Variants in MTUS2 observed in about 807,000 individuals in gnomAD.
The protein encoded by MTUS2 is microtubule associated scaffold protein 2.
A neutral mutation model predicts 114.1 loss-of-function variants in MTUS2; 40 were observed. That is an observed-to-expected ratio of 0.35 (90% CI 0.27 to 0.46). The LOEUF (loss-of-function observed/expected upper bound fraction) is 0.46, where lower values mean the gene tolerates loss of function less well. Among genes scored for constraint, MTUS2 ranks in the 20% least tolerant of loss-of-function variants. The pLI, the probability that MTUS2 is intolerant of heterozygous loss-of-function variation, is 1.00. For missense variants in MTUS2, 1,679 were observed against 1,705.4 expected (o/e 0.98, Z 0.27); for synonymous variants, 688 against 672.0 (o/e 1.02, Z -0.37).
chr13:29,481,218 A>G (rs1490891494), intron 10 of MTUS2, among the ~76,000 whole-genome samples: 1 of 152,216 alleles, frequency 6.6e-6, no homozygotes, highest in Non-Finnish European at 1.5e-5. Flanking sequence ...AAATGCATCC[A>G]TGGACTAACC....
chr13:29,373,950 A>G (rs1356838811), intron 8 of MTUS2, among the ~76,000 whole-genome samples: 1 of 152,246 alleles, frequency 6.6e-6, no homozygotes, highest in Non-Finnish European at 1.5e-5. Context: ...AAAAGTAGCT[A>G]TTGCAGAATG....
At chr13:29,195,693 C>T (rs954475177) in intron 5 of MTUS2, among the ~76,000 whole-genome samples, 1 of 152,090 alleles carries the variant, frequency 6.6e-6, no homozygotes, top group African/African-American at 2.4e-5. Flanking sequence ...CCAGCCTGGG[C>T]CAGTCAGGGA....
At chr13:29,428,526 T>C in intron 8 of MTUS2, 1 of 444,456 alleles carries the variant, frequency 2.2e-6, no homozygotes, top group South Asian at 4.5e-5. Flanking sequence ...TATGCGACTA[T>C]TGATTTGCCT....
chr13:29,032,173 C>G (rs1886859119), intron 3 of MTUS2, among the ~76,000 whole-genome samples: 1 of 152,102 alleles, frequency 6.6e-6, no homozygotes, highest in African/African-American at 2.4e-5. Context: ...ACAGACTAGA[C>G]ATCAAAGGCG....
At chr13:29,043,171 A>G (rs995044209) in intron 4 of MTUS2, among the ~76,000 whole-genome samples, 7 of 152,026 alleles carry the variant, frequency 4.6e-5, no homozygotes, top group African/African-American at 1.7e-4. Context: ...TTTAATTTCT[A>G]TCTTGATTTC....
intron 5 of MTUS2, among the ~76,000 whole-genome samples, chr13:29,168,573 C>G (rs1253518472): frequency 1.3e-5 from 2 of 152,164 alleles, no homozygotes; most frequent in Non-Finnish European, 2.9e-5. Context: ...CTCTCTATGG[C>G]TTTGCTTACT....
chr13:29,131,599 C>G (rs1891766006), intron 5 of MTUS2, among the ~76,000 whole-genome samples: 1 of 152,246 alleles, frequency 6.6e-6, no homozygotes, highest in Admixed American at 6.5e-5. Flanking sequence ...CCTGAGACAT[C>G]TGTAGGTCAG....
Position 29,026,704 on chromosome 13 carries a change from A to G in MTUS2, c.2006A>G (p.Tyr669Cys), listed in dbSNP as rs763181123. ...TCGCTGGTTCCAGTGGGGCTTCCAT[A>G]TGCCCCGCCCACATGTACCATGCCT... ...DASLVPVGLP[Y>C]APPTCTMPLP... The change falls in exon 3 of 16, where the codon TAT (tyrosine) becomes TGT (cysteine). Residue 669 changes from tyrosine (Y) to cysteine (C), a missense_variant. Coordinates refer to ENST00000612955, the MANE Select transcript of MTUS2 (RefSeq NM_001033602.4). The G allele has an allele frequency of 6.2e-7, 1 of 1,613,968 alleles. No individual in the cohort carries two copies. The highest frequency in any genetic ancestry group is 1.1e-5 in the South Asian group (1 of 91,082).
chr13:28,880,002 T>C (rs1023976077), intron 2 of MTUS2, among the ~76,000 whole-genome samples: 2 of 152,178 alleles, frequency 1.3e-5, no homozygotes, highest in East Asian at 1.9e-4. Flanking sequence ...GGACCTGATA[T>C]ATTGAGAGAA....
intron 8 of MTUS2, among the ~76,000 whole-genome samples, chr13:29,418,199 T>C (rs1373530767): frequency 2.0e-5 from 3 of 152,154 alleles, no homozygotes; most frequent in Non-Finnish European, 4.4e-5. Flanking sequence ...TTTCTCCCAG[T>C]GAACAGTTAC....
At chr13:29,229,719 A>C (rs1209413853) in intron 5 of MTUS2, among the ~76,000 whole-genome samples, 2 of 152,194 alleles carry the variant, frequency 1.3e-5, no homozygotes, top group African/African-American at 2.4e-5. Flanking sequence ...TGCTTGGCCA[A>C]AATTTCTGAA....
At chr13:29,336,619 G>A (rs1901078084) in intron 7 of MTUS2, among the ~76,000 whole-genome samples, 1 of 152,208 alleles carries the variant, frequency 6.6e-6, no homozygotes, top group Admixed American at 6.5e-5. Context: ...AGGCATGGGG[G>A]TCAGGGACCC....
chr13:28,986,226 G>A (rs1326636405), intron 2 of MTUS2, among the ~76,000 whole-genome samples: 1 of 152,046 alleles, frequency 6.6e-6, no homozygotes, highest in East Asian at 1.9e-4. Context: ...GGCTTAGTTG[G>A]GAGCTGTTGG....
intron 2 of MTUS2, among the ~76,000 whole-genome samples, chr13:28,861,251 C>T (rs1310763092): frequency 6.6e-6 from 1 of 152,064 alleles, no homozygotes; most frequent in Non-Finnish European, 1.5e-5. Flanking sequence ...ATTAATTGTC[C>T]ATTTAACAAT....
intron 9 of MTUS2, among the ~76,000 whole-genome samples, chr13:29,467,700 C>G (rs899496193): frequency 6.6e-6 from 1 of 152,194 alleles, no homozygotes; most frequent in African/African-American, 2.4e-5. Context: ...TCCTTTGCCT[C>G]CATAAATCAT....
At chr13:29,253,534 G>A (rs548616410) in intron 5 of MTUS2, among the ~76,000 whole-genome samples, 15 of 152,048 alleles carry the variant, frequency 9.9e-5, no homozygotes, top group Non-Finnish European at 1.8e-4. Context: ...CCAGCCCAGC[G>A]TCTGTCCTGA....
intron 11 of MTUS2, among the ~76,000 whole-genome samples, chr13:29,488,773 G>A (rs898203421): frequency 8.5e-5 from 13 of 152,190 alleles, no homozygotes; most frequent in African/African-American, 1.9e-4. Flanking sequence ...GTGGGTGTGC[G>A]TTAAGTCTCC....
chr13:29,502,082 C>T (rs1287542849), intron 15 of MTUS2, among the ~76,000 whole-genome samples: 5 of 152,206 alleles, frequency 3.3e-5, no homozygotes, highest in Non-Finnish European at 5.9e-5. Flanking sequence ...CATAACTAAG[C>T]CCCTAGTGCA....
Position 29,359,298 on chromosome 13 carries a change from G to T in MTUS2, c.2942G>T (p.Gly981Val). The change falls in exon 8 of 16, where the codon GGG (glycine) becomes GTG (valine). Residue 981 changes from glycine (G) to valine (V), a missense_variant. Coordinates refer to ENST00000612955, the MANE Select transcript of MTUS2 (RefSeq NM_001033602.4). Reference sequence around the variant, plus strand: ...CAGAGGACTGCGGCAGCTCGAAATGGGTTTCCGCCCAAGCCGGACCCGCAG... The same window carrying T: ...CAGAGGACTGCGGCAGCTCGAAATGTGTTTCCGCCCAAGCCGGACCCGCAG... ...PKQRTAAARN[G>V]FPPKPDPQAR... is the part of the protein sequence containing the mutation. 1 of 1,607,524 alleles carries T rather than the reference G, an allele frequency of 6.2e-7. No individual in the cohort carries two copies. Among genetic ancestry groups the T allele is most frequent in the Non-Finnish European group, 8.5e-7 (1 of 1,177,218 alleles).
Sources: gnomAD v4.1 joint callset for allele counts (sites outside exome capture counted in the v4.1 genomes callset) on GRCh38, gnomAD v4.1.1 for gene constraint, MANE v1.5 for transcripts, NCBI Gene and HGNC (gene_info 2026-07-23, HGNC 2026-07-21) for gene names.